BMAL2: variants seen among roughly 807,000 people sequenced by gnomAD.
The protein encoded by BMAL2 is basic helix-loop-helix ARNT-like protein 2.
the BMAL2 span, among the ~76,000 whole-genome samples, chr12:27,408,177 G>T: frequency 2.0e-5 from 3 of 152,078 alleles, no homozygotes; most frequent in Non-Finnish European, 2.9e-5. Context: ...AGGAGGAGCT[G>T]GTACCATTCC....
At chr12:27,367,812 T>C in the BMAL2 span, among the ~76,000 whole-genome samples, 2 of 104,084 alleles carry the variant, frequency 1.9e-5, no homozygotes, top group African/African-American at 3.4e-5. Flanking sequence ...TATATAGATA[T>C]AATGTGTGTG....
the BMAL2 span, among the ~76,000 whole-genome samples, chr12:27,414,149 A>G: frequency 2.6e-5 from 4 of 152,218 alleles, no homozygotes; most frequent in Non-Finnish European, 5.9e-5. Context: ...TTGAAAATAT[A>G]TATGCACTCA....
the BMAL2 span, chr12:27,416,091 C>T: frequency 0.032 from 19,718 of 609,330 alleles, 457 homozygotes; most frequent in Non-Finnish European, 0.043. Flanking sequence ...TTTTAAGTGG[C>T]GTTGTGGAAT....
the BMAL2 span, among the ~76,000 whole-genome samples, chr12:27,414,396 T>C: frequency 1.3e-5 from 2 of 152,192 alleles, no homozygotes; most frequent in Non-Finnish European, 2.9e-5. Context: ...ATAGGTGATA[T>C]ATTAGGCCAC....
chr12:27,363,040 C>T, the BMAL2 span, among the ~76,000 whole-genome samples: 13 of 152,078 alleles, frequency 8.5e-5, no homozygotes, highest in African/African-American at 2.7e-4. Context: ...TCTGGCCTTA[C>T]GTGATCCTCT....
At chr12:27,336,615 C>T in the BMAL2 span, among the ~76,000 whole-genome samples, 4 of 152,158 alleles carry the variant, frequency 2.6e-5, no homozygotes, top group African/African-American at 9.7e-5. Flanking sequence ...TCACACTAGG[C>T]TATAATATCC....
At chr12:27,385,573 A>G in the BMAL2 span, 2 of 1,537,248 alleles carry the variant, frequency 1.3e-6, no homozygotes, top group Non-Finnish European at 1.8e-6. Context: ...AACTAAAGAT[A>G]TATTTGTCTA....
chr12:27,351,078 T>C, the BMAL2 span, among the ~76,000 whole-genome samples: 1 of 147,572 alleles, frequency 6.8e-6, no homozygotes, highest in Non-Finnish European at 1.5e-5. Context: ...AGCCTCGTCC[T>C]CCTATGCTCA....
At chr12:27,347,396 T>C in the BMAL2 span, among the ~76,000 whole-genome samples, 6 of 152,354 alleles carry the variant, frequency 3.9e-5, no homozygotes, top group South Asian at 6.2e-4. Flanking sequence ...TAATACCTGG[T>C]AGAACTCCAG....
At chr12:27,402,068 G>A in the BMAL2 span, among the ~76,000 whole-genome samples, 1 of 152,166 alleles carries the variant, frequency 6.6e-6, no homozygotes, top group African/African-American at 2.4e-5. Context: ...CCATGTCTGT[G>A]TAGGCATGCT....
chr12:27,403,377 T>C, the BMAL2 span: 1 of 1,180,010 alleles, frequency 8.5e-7, no homozygotes. Context: ...TGAAATTATT[T>C]GAATTGAAAG....
the BMAL2 span, chr12:27,418,044 T>C: frequency 1.6e-6 from 2 of 1,243,674 alleles, no homozygotes; most frequent in South Asian, 2.7e-5. Context: ...GTGTCCTTAT[T>C]CTAGTAGGAA....
At chr12:27,405,413 G>A in the BMAL2 span, among the ~76,000 whole-genome samples, 5 of 152,338 alleles carry the variant, frequency 3.3e-5, 1 homozygote, top group Admixed American at 2.0e-4. Context: ...CCAGAGGAAC[G>A]ATCAGGCAGC....
chr12:27,401,515 C>A, the BMAL2 span: 1 of 1,570,886 alleles, frequency 6.4e-7, no homozygotes, highest in Non-Finnish European at 8.7e-7. Flanking sequence ...ATTATCTTTT[C>A]TCGTTAAGTT....
chr12:27,360,119 A>G, the BMAL2 span, among the ~76,000 whole-genome samples: 1 of 152,032 alleles, frequency 6.6e-6, no homozygotes, highest in Admixed American at 6.6e-5. Context: ...TAGCACTGAG[A>G]AGGGCACAGC....
the BMAL2 span, among the ~76,000 whole-genome samples, chr12:27,362,583 G>A: frequency 0.068 from 10,355 of 151,872 alleles, 465 homozygotes; most frequent in Non-Finnish European, 0.1. Flanking sequence ...TTCTTTTCCC[G>A]AAGAGAACCA....
the BMAL2 span, among the ~76,000 whole-genome samples, chr12:27,369,741 A>G: frequency 6.6e-6 from 1 of 152,222 alleles, no homozygotes. Context: ...GCCCAGCTTC[A>G]TGCCACATGG....
chr12:27,395,187 T>C, the BMAL2 span, among the ~76,000 whole-genome samples: 1 of 152,210 alleles, frequency 6.6e-6, no homozygotes, highest in African/African-American at 2.4e-5. Flanking sequence ...GTTAATTAAA[T>C]TGGCATTTTA....
chr12:27,406,412 G>A, the BMAL2 span, among the ~76,000 whole-genome samples: 13 of 152,000 alleles, frequency 8.6e-5, no homozygotes, highest in African/African-American at 2.4e-4. Flanking sequence ...AAACTCTACA[G>A]GCCAGAAGAG....
Sources: gnomAD v4.1 joint callset for allele counts (sites outside exome capture counted in the v4.1 genomes callset) on GRCh38, gnomAD v4.1.1 for gene constraint, MANE v1.5 for transcripts, NCBI Gene and HGNC (gene_info 2026-07-23, HGNC 2026-07-21) for gene names.